The following CCDC91 variants were observed in gnomAD, a reference collection of about 807,000 sequenced individuals.
CCDC91 encodes the protein coiled-coil domain-containing protein 91.
CCDC91 carries 48 observed loss-of-function variants against 63.2 expected under a neutral mutation model. That is an observed-to-expected ratio of 0.76 (90% confidence interval 0.60 to 0.97). CCDC91 has a LOEUF of 0.97. Among genes scored for constraint, CCDC91 ranks in the 50% least tolerant of loss-of-function variants. The pLI, the probability that CCDC91 is intolerant of heterozygous loss-of-function variation, is 0.00. For missense variants in CCDC91, 500 were observed against 494.6 expected, an observed-to-expected ratio of 1.01 and a Z score of -0.10; for synonymous variants, 167 against 165.8, an observed-to-expected ratio of 1.01 and a Z score of -0.06.
At chr12:28,272,875 C>T (rs183707887) in intron 3 of CCDC91, among the ~76,000 whole-genome samples, 22 of 151,904 alleles carry the variant, frequency 1.4e-4, no homozygotes, top group East Asian at 7.7e-4. Context: ...TTTTAGAGTA[C>T]GTGTGCACAA....
chr12:28,397,940 T>A (rs982959772), intron 8 of CCDC91, among the ~76,000 whole-genome samples: 2 of 152,142 alleles, frequency 1.3e-5, no homozygotes, highest in African/African-American at 4.8e-5. Flanking sequence ...CATATTCCTG[T>A]TTATTCCCTT....
intron 12 of CCDC91, among the ~76,000 whole-genome samples, chr12:28,502,712 A>C (rs1270934716): frequency 6.6e-6 from 1 of 151,674 alleles, no homozygotes; most frequent in Non-Finnish European, 1.5e-5. Context: ...CCAAAACAGC[A>C]TGGTACTGGT....
chr12:28,469,685 T>G (rs1950714768), intron 11 of CCDC91, among the ~76,000 whole-genome samples: 2 of 152,044 alleles, frequency 1.3e-5, no homozygotes, highest in African/African-American at 4.8e-5. Context: ...TGATTTCAAA[T>G]TGTATTCCAG....
In CCDC91 at chr12:28,190,548, T is replaced by G. The variant is rs1024409776; in HGVS notation, c.-108T>G. On this transcript the variant is annotated 5_prime_UTR_variant, in exon 1 of 13. Coordinates refer to ENST00000536442, the MANE Select transcript of CCDC91 (RefSeq NM_018318.5). ...CAAGGGCCTGGGGCCGTGCCTCGGG[T>G]GTACGCGTAGGGGTCTGTGTGCTGG... 1 of 153,188 alleles carries G rather than the reference T, an allele frequency of 6.5e-6. No individual in the cohort carries two copies. Among genetic ancestry groups the G allele is most frequent in the Non-Finnish European group, 1.5e-5 (1 of 68,836 alleles). 9.5% of individuals were successfully genotyped at this position (153,188 alleles called of 1,614,324 possible). A position where few individuals can be genotyped will look rare whatever the true frequency, so the allele number is the denominator to read the frequency against.
At position 28,362,288 on chromosome 12, in the gene CCDC91, A is replaced by ATG. The variant is rs1332830821; in HGVS notation, c.577-149_577-148insGT. 10 of 454,358 alleles carry ATG rather than the reference A, an allele frequency of 2.2e-5. No individual in the cohort carries two copies. In the East Asian group the frequency reaches 2.9e-4, roughly 13 times the overall value. 28.1% of individuals were successfully genotyped at this position (454,358 alleles called of 1,614,324 possible). On this transcript the variant is annotated intron_variant, in intron 6 of 12. Transcript: ENST00000536442. ...TGCTTTTAAGCAAAGCTTTATATAT[A>ATG]TATATATGTTTTCTCTTTGTTTCCA...
At chr12:28,371,891 A>G (rs1217694021) in intron 7 of CCDC91, among the ~76,000 whole-genome samples, 3 of 152,204 alleles carry the variant, frequency 2.0e-5, no homozygotes, top group Non-Finnish European at 4.4e-5. Flanking sequence ...CATAGATCAA[A>G]TTACTATCTG....
chr12:28,449,276 T>C (rs1013024536), intron 8 of CCDC91, among the ~76,000 whole-genome samples: 1 of 152,090 alleles, frequency 6.6e-6, no homozygotes, highest in Non-Finnish European at 1.5e-5. Flanking sequence ...TTTTAAAATA[T>C]TGGATATCCA....
chr12:28,218,705 G>GTT (rs1565627170), intron 1 of CCDC91, among the ~76,000 whole-genome samples: 1 of 148,444 alleles, frequency 6.7e-6, no homozygotes, highest in Non-Finnish European at 1.5e-5. Flanking sequence ...ATGTTTGTGT[G>GTT]TGTGTGTGTG....
chr12:28,273,769 A>T (rs1244555564), intron 3 of CCDC91, among the ~76,000 whole-genome samples: 1 of 151,724 alleles, frequency 6.6e-6, no homozygotes, highest in Non-Finnish European at 1.5e-5. Flanking sequence ...GATTGCAAAA[A>T]TTTTCTCCCA....
At chr12:28,507,976 C>T (rs1189017911) in intron 12 of CCDC91, among the ~76,000 whole-genome samples, 2 of 151,912 alleles carry the variant, frequency 1.3e-5, no homozygotes, top group Admixed American at 1.3e-4. Flanking sequence ...TGTACCCATA[C>T]ACTGACCGTT....
At chr12:28,236,909 A>C (rs1473158539) in intron 1 of CCDC91, 1 of 151,984 alleles carries the variant, frequency 6.6e-6, no homozygotes, top group East Asian at 1.9e-4. Context: ...TCAAGTAAAG[A>C]ATTTGTTCAA....
At chr12:28,292,041 C>G (rs979675541) in intron 3 of CCDC91, among the ~76,000 whole-genome samples, 2 of 152,208 alleles carry the variant, frequency 1.3e-5, no homozygotes, top group African/African-American at 4.8e-5. Context: ...CGAGTTGTCT[C>G]TGCTGCTTTA....
intron 11 of CCDC91, among the ~76,000 whole-genome samples, chr12:28,454,686 C>T (rs1021480610): frequency 2.6e-5 from 4 of 152,048 alleles, no homozygotes; most frequent in African/African-American, 7.2e-5. Flanking sequence ...AAGACAGAAG[C>T]GAGTAACCTG....
intron 3 of CCDC91, among the ~76,000 whole-genome samples, chr12:28,283,741 T>C (rs917061820): frequency 1.3e-5 from 2 of 152,220 alleles, no homozygotes; most frequent in African/African-American, 4.8e-5. Context: ...AGCCTGAATG[T>C]AATTTTATAC....
chr12:28,231,349 C>A (rs768852291), intron 1 of CCDC91, among the ~76,000 whole-genome samples: 2 of 152,178 alleles, frequency 1.3e-5, no homozygotes, highest in Non-Finnish European at 2.9e-5. Context: ...TGCAGACAGA[C>A]TTCTGTTGGC....
At position 28,201,433 on chromosome 12, in the gene CCDC91, G is replaced by A. The variant is rs544901843; in HGVS notation, c.-15+10792G>A. Among the ~76,000 whole-genome samples the A allele has an allele frequency of 2.9e-5, 4 of 136,314 alleles. 1 individual carries two copies. In the East Asian group the frequency reaches 8.0e-4, roughly 27 times the overall value. The allele number at this position is 136,314 out of a possible 152,430, so 89.4% of individuals were successfully genotyped here. On this transcript the variant is annotated intron_variant, in intron 1 of 12. Transcript: ENST00000536442. ...TCTCCCCACATCTCAGACGATGGGC[G>A]GCCAGGCAGAGACGCTCCTCACTTC... is the stretch of plus-strand genomic sequence containing the variant.
intron 2 of CCDC91, among the ~76,000 whole-genome samples, 168 bp from the exon 3 acceptor site, chr12:28,259,196 T>A (rs1946654834): frequency 1.3e-5 from 2 of 151,860 alleles, no homozygotes; most frequent in Admixed American, 1.3e-4. Flanking sequence ...GGGTGGTGAG[T>A]CATGATAGGA....
At chr12:28,280,875 T>A (rs1292036996) in intron 3 of CCDC91, among the ~76,000 whole-genome samples, 2 of 151,442 alleles carry the variant, frequency 1.3e-5, no homozygotes, top group African/African-American at 2.4e-5. Context: ...TACTTTTAAG[T>A]CTGAGGTGAG....
At chr12:28,198,549 C>T (rs1941957905) in intron 1 of CCDC91, among the ~76,000 whole-genome samples, 3 of 152,096 alleles carry the variant, frequency 2.0e-5, no homozygotes, top group Admixed American at 1.3e-4. Context: ...AATGGGCCAC[C>T]CTGAATCAGA....
Sources: allele counts gnomAD v4.1 joint callset (sites outside exome capture counted in the v4.1 genomes callset), GRCh38; gene constraint gnomAD v4.1.1; transcripts MANE v1.5; gene names NCBI Gene and HGNC (gene_info 2026-07-23, HGNC 2026-07-21).